Variants in ABCA12 observed in about 807,000 individuals in gnomAD.
ABCA12 encodes ATP binding cassette subfamily A member 12.
ABCA12 carries 156 observed loss-of-function variants against 293.5 expected under a neutral mutation model. The observed-to-expected ratio is 0.53, with a 90% CI of 0.47 to 0.61. The LOEUF (loss-of-function observed/expected upper bound fraction) is 0.61. Ranked by LOEUF, ABCA12 falls within the 20% of genes least tolerant of loss-of-function variation. The probability of loss-of-function intolerance (pLI) is 0.00; values close to 1 mark genes in which losing one functional copy is unlikely to be tolerated. For missense variants in ABCA12, 2,797 were observed against 3,090.2 expected (o/e 0.91, Z 2.25); for synonymous variants, 1,063 against 1,108.0 (o/e 0.96, Z 0.81).
chr2:214,953,399 G>A (rs534687274), intron 44 of ABCA12, among the ~76,000 whole-genome samples: 1 of 152,256 alleles, frequency 6.6e-6, no homozygotes, highest in East Asian at 1.9e-4. Context: ...TGGGTCAATG[G>A]CATGTGTATT....
rs1703162451 is a variant in ABCA12, at chr2:215,134,597, CTCTATATATATATATATATAGAGA to C, written c.69+3519_69+3542del. Among the ~76,000 whole-genome samples the C allele has an allele frequency of 2.4e-5, 2 of 83,000 alleles. 1 individual carries two copies. Among genetic ancestry groups the C allele is most frequent in the African/African-American group, 1.7e-4 (2 of 11,708 alleles). 54.5% of individuals were successfully genotyped at this position (83,000 alleles called of 152,430 possible). ...ATATAATCTCTCTCTCTCTCTCTCT[CTCTATATATATATATATATAGAGA>C]GAGAGAGAGAGAGAGAGAGACAAAC... is the stretch of plus-strand genomic sequence containing the variant. On this transcript the variant is annotated intron_variant, in intron 1 of 52. Transcript: ENST00000272895.
intron 6 of ABCA12, among the ~76,000 whole-genome samples, chr2:215,048,704 G>GA (rs1041292147): frequency 1.3e-4 from 19 of 151,826 alleles, no homozygotes; most frequent in Non-Finnish European, 2.5e-4. Context: ...CTGTGTCTCA[G>GA]AAAAAACAAA....
intron 28 of ABCA12, 117 bp downstream of exon 28, chr2:214,986,425 T>C (rs1375287716): frequency 9.6e-7 from 1 of 1,043,126 alleles, no homozygotes; most frequent in East Asian, 2.6e-5. Flanking sequence ...ACCATCTTCC[T>C]CCATCTGGGA....
chr2:214,948,541 G>A, intron 47 of ABCA12, 55 bp downstream of exon 47: 1 of 1,588,710 alleles, frequency 6.3e-7, no homozygotes, highest in Non-Finnish European at 8.6e-7. Flanking sequence ...GGTGGGGGAT[G>A]GAAGTAGAAA....
intron 4 of ABCA12, among the ~76,000 whole-genome samples, chr2:215,053,878 T>C (rs1701367245): frequency 6.6e-6 from 1 of 152,030 alleles, no homozygotes; most frequent in African/African-American, 2.4e-5. Flanking sequence ...TTCGAGCGTT[T>C]ATTTTTTTTA....
chr2:214,950,264 G>T (rs1442802439), intron 45 of ABCA12, among the ~76,000 whole-genome samples: 2 of 151,838 alleles, frequency 1.3e-5, no homozygotes, highest in Non-Finnish European at 2.9e-5. Flanking sequence ...TGTGGATTTT[G>T]ATATCCTTGG....
chr2:215,121,994 T>A lies in ABCA12; in HGVS notation c.70-10304A>T, dbSNP rs551431630. ...GCATGAGGACAGACTAATACACTGG[T>A]GTGCCTCACTGCCATCTAAAGAAAT... On this transcript the variant is annotated intron_variant, in intron 1 of 52. Coordinates refer to ENST00000272895, the MANE Select transcript of ABCA12 (RefSeq NM_173076.3). Among the ~76,000 whole-genome samples, 12 of 152,322 alleles carry A rather than the reference T, an allele frequency of 7.9e-5. No homozygotes were observed. In the East Asian group the frequency reaches 2.3e-3, roughly 29 times the overall value.
intron 14 of ABCA12, among the ~76,000 whole-genome samples, chr2:215,015,997 A>G (rs1401043506): frequency 1.3e-5 from 2 of 151,086 alleles, no homozygotes; most frequent in Non-Finnish European, 2.9e-5. Context: ...ACAATAAATT[A>G]GCCGGGCGTG....
intron 43 of ABCA12, 116 bp downstream of exon 43, chr2:214,955,086 C>T: frequency 7.5e-7 from 1 of 1,325,342 alleles, no homozygotes; most frequent in Non-Finnish European, 1.0e-6. Context: ...AGTTTCTCCT[C>T]TCCCAAATTT....
At chr2:214,950,382 ATCTGTGTGTGTG>A (rs1349969570) in intron 45 of ABCA12, among the ~76,000 whole-genome samples, 1,444 of 122,880 alleles carry the variant, frequency 0.012, 23 homozygotes, top group African/African-American at 0.039. Context: ...GTATATATAT[ATCTGTGTGTGTG>A]TGTGTGTGTG....
At chr2:215,049,550 T>C in intron 6 of ABCA12, 76 bp downstream of exon 6, 1 of 1,422,834 alleles carries the variant, frequency 7.0e-7, no homozygotes. Flanking sequence ...AGTCAGCATT[T>C]CCCAGTCTAC....
At chr2:215,011,931 G>A (rs1192470397) in intron 16 of ABCA12, 40 bp downstream of exon 16, 1 of 1,592,104 alleles carries the variant, frequency 6.3e-7, no homozygotes, top group Non-Finnish European at 8.6e-7. Flanking sequence ...TATGACAGAA[G>A]GCATTTTTCA....
intron 6 of ABCA12, among the ~76,000 whole-genome samples, chr2:215,046,614 T>G (rs1701208061): frequency 6.6e-6 from 1 of 151,024 alleles, no homozygotes; most frequent in Non-Finnish European, 1.5e-5. Flanking sequence ...TTTTACCACA[T>G]GTTCTATTCT....
chr2:215,121,235 T>C lies in ABCA12; in HGVS notation c.70-9545A>G, dbSNP rs1023968694. Among the ~76,000 whole-genome samples, 94 of 152,168 alleles carry C rather than the reference T, an allele frequency of 6.2e-4. 1 individual carries two copies. The highest frequency in any genetic ancestry group is 2.5e-4 in the Non-Finnish European group (17 of 68,016). On this transcript the variant is annotated intron_variant, in intron 1 of 52. Coordinates refer to ENST00000272895, the MANE Select transcript of ABCA12 (RefSeq NM_173076.3). ...ACACTAGCAGAGTTAATCACTAAAT[T>C]ATAGAGCTAACGCACTACAAAATGG... is the stretch of plus-strand genomic sequence containing the variant.
chr2:215,138,154 C>T lies in ABCA12; in HGVS notation c.55G>A (p.Val19Ile), dbSNP rs1249611591. ...QILVWKNWLG[V>I]KRQPLWTLVL... ...TTTTAACTCACCGGCTGCCTTTTTA[C>T]ACCTAGCCAATTTTTCCAGACCAGG... The change falls in exon 1 of 53, where the codon GTA (valine) becomes ATA (isoleucine). Residue 19 changes from valine to isoleucine, a missense_variant. Around this residue, in one of 3 missense-constraint regions of ABCA12, gnomAD observed 11 missense variants for 25.0 expected, o/e 0.44. Transcript: ENST00000272895. The T allele has an allele frequency of 2.5e-6, 4 of 1,614,098 alleles. No individual in the cohort carries two copies. Among genetic ancestry groups the T allele is most frequent in the Non-Finnish European group, 3.4e-6 (4 of 1,180,006 alleles).
chr2:215,099,115 C>A (rs1248496773), intron 2 of ABCA12, among the ~76,000 whole-genome samples: 1 of 152,206 alleles, frequency 6.6e-6, no homozygotes, highest in Non-Finnish European at 1.5e-5. Context: ...CATTTAAGGG[C>A]AGGACAGAAA....
At chr2:215,135,853 G>A (rs979382320) in intron 1 of ABCA12, among the ~76,000 whole-genome samples, 3 of 151,648 alleles carry the variant, frequency 2.0e-5, no homozygotes, top group South Asian at 2.1e-4. Context: ...CTTCCCACAC[G>A]TGTCTTCAAG....
intron 50 of ABCA12, among the ~76,000 whole-genome samples, chr2:214,941,769 T>C (rs1356780758): frequency 6.8e-6 from 1 of 147,594 alleles, no homozygotes; most frequent in Non-Finnish European, 1.5e-5. Context: ...GAGACTAGGA[T>C]TGCAACCCCT....
rs79314898 is a variant in ABCA12, at chr2:215,121,472, G to A, written c.70-9782C>T. Among the ~76,000 whole-genome samples, 257 of 152,068 alleles carry A rather than the reference G, an allele frequency of 1.7e-3. 2 individuals carry two copies. The highest frequency in any genetic ancestry group is 4.8e-3 in the African/African-American group (200 of 41,480). ...CATTGTCCTATAAGACAAGAATGAC[G>A]GTTATTTGATGGTAACAAGAGGATT... On this transcript the variant is annotated intron_variant, in intron 1 of 52. Coordinates refer to ENST00000272895, the MANE Select transcript of ABCA12 (RefSeq NM_173076.3).
Sources: allele counts gnomAD v4.1 joint callset (sites outside exome capture counted in the v4.1 genomes callset), GRCh38; gene constraint gnomAD v4.1.1; regional missense constraint gnomAD v4.1.1; transcripts MANE v1.5; gene names NCBI Gene and HGNC (gene_info 2026-07-23, HGNC 2026-07-21).